Variants in MAPK6 observed in about 807,000 individuals in gnomAD.
The protein encoded by MAPK6 is mitogen-activated protein kinase 6.
MAPK6 carries 19 observed loss-of-function variants against 59.3 expected under a neutral mutation model. The ratio of observed to expected loss-of-function variants is 0.32; its 90% CI spans 0.22 to 0.47. The LOEUF (loss-of-function observed/expected upper bound fraction) is 0.47, where lower values mean the gene tolerates loss of function less well. Ranked by LOEUF, MAPK6 falls within the 20% of genes least tolerant of loss-of-function variation. MAPK6 has a pLI of 1.00. For missense variants in MAPK6, 724 were observed against 847.9 expected, an observed-to-expected ratio of 0.85 and a Z score of 1.81; for synonymous variants, 316 against 290.3, an observed-to-expected ratio of 1.09 and a Z score of -0.90.
chr15:51,981,067 A>G (rs2057171343), intron 1 of MAPK6, among the ~76,000 whole-genome samples: 1 of 151,876 alleles, frequency 6.6e-6, no homozygotes, highest in South Asian at 2.1e-4. Flanking sequence ...GCTTTTTATA[A>G]GATTCAAGTG....
intron 3 of MAPK6, among the ~76,000 whole-genome samples, chr15:52,051,766 G>A (rs1239091142): frequency 6.6e-6 from 1 of 151,828 alleles, no homozygotes; most frequent in Non-Finnish European, 1.5e-5. Context: ...CCCAGCTACT[G>A]GGGAGGCTGA....
chr15:52,061,370 C>T lies in MAPK6; in HGVS notation c.937C>T (p.His313Tyr). ...GTTAACAGCAGAAGAAGCACTCTCC[C>T]ATCCTTACATGAGCATATATTCTTT... is the stretch of plus-strand genomic sequence containing the variant. ...DRLTAEEALS[H>Y]PYMSIYSFPM... Residue 313 changes from histidine to tyrosine, a missense_variant, in exon 5 of 6, where the codon CAT becomes TAT. By Grantham distance (83) the His-to-Tyr change is moderately conservative (BLOSUM62 2). Coordinates refer to ENST00000261845, the MANE Select transcript of MAPK6 (RefSeq NM_002748.4). The T allele has an allele frequency of 6.2e-7, 1 of 1,614,042 alleles. No individual in the cohort carries two copies. Among genetic ancestry groups the T allele is most frequent in the South Asian group, 1.1e-5 (1 of 91,090 alleles).
intron 3 of MAPK6, 86 bp from the exon 4 acceptor site, chr15:52,058,544 CATT>C: frequency 9.0e-7 from 1 of 1,114,456 alleles, no homozygotes; most frequent in Non-Finnish European, 1.2e-6. Context: ...CCCCACTGGT[CATT>C]ATAATATTTA....
intron 1 of MAPK6, among the ~76,000 whole-genome samples, chr15:52,030,781 C>T (rs1334998831): frequency 1.3e-5 from 2 of 151,052 alleles, no homozygotes; most frequent in Non-Finnish European, 2.9e-5. Context: ...CGTGTGCCAC[C>T]ATGCCCAGCT....
chr15:52,003,144 A>G (rs994213640), intron 2 of MAPK6, among the ~76,000 whole-genome samples: 3 of 151,990 alleles, frequency 2.0e-5, no homozygotes, highest in African/African-American at 7.3e-5. Flanking sequence ...CTGAGATTGC[A>G]CCATTGCACT....
At chr15:52,062,258 C>T (rs2032233610) in intron 5 of MAPK6, among the ~76,000 whole-genome samples, 1 of 151,674 alleles carries the variant, frequency 6.6e-6, no homozygotes, top group African/African-American at 2.4e-5. Context: ...AACTCCTGAC[C>T]TCAGGTGATC....
intron 3 of MAPK6, among the ~76,000 whole-genome samples, chr15:52,013,332 G>A (rs542708871): frequency 2.8e-4 from 42 of 151,880 alleles, no homozygotes; most frequent in African/African-American, 9.4e-4. Flanking sequence ...CTAACATACT[G>A]TCTTTAATGA....
At chr15:51,973,269 T>G (rs2057144117) in intron 1 of MAPK6, among the ~76,000 whole-genome samples, 1 of 151,972 alleles carries the variant, frequency 6.6e-6, no homozygotes, top group African/African-American at 2.4e-5. Context: ...TCTGGAATAC[T>G]GGAAAAACAA....
chr15:51,990,564 C>T (rs2057204871), intron 2 of MAPK6, among the ~76,000 whole-genome samples: 1 of 152,164 alleles, frequency 6.6e-6, no homozygotes, highest in African/African-American at 2.4e-5. Context: ...GCCTGTAATC[C>T]CAGTGCTTTC....
At chr15:52,047,628 G>A (rs553143075) in intron 2 of MAPK6, among the ~76,000 whole-genome samples, 22 of 150,180 alleles carry the variant, frequency 1.5e-4, no homozygotes, top group African/African-American at 5.1e-4. Flanking sequence ...TTACAGGTGT[G>A]AGCCCCCATG....
chr15:52,050,727 C>G (rs866657359), intron 3 of MAPK6, among the ~76,000 whole-genome samples: 1 of 152,090 alleles, frequency 6.6e-6, no homozygotes, highest in Admixed American at 6.5e-5. Context: ...ATTATGGAGT[C>G]AAACAGATTT....
chr15:51,974,731 C>T (rs371324125), intron 1 of MAPK6, among the ~76,000 whole-genome samples: 38 of 150,660 alleles, frequency 2.5e-4, no homozygotes, highest in African/African-American at 8.7e-4. Flanking sequence ...TTTTTCCCCC[C>T]CCGCAAGACA....
At chr15:52,016,107 C>CACACACACACACACACAAA, upstream of MAPK6, among the ~76,000 whole-genome samples, 2 of 136,212 alleles carry the variant, frequency 1.5e-5, no homozygotes, top group Non-Finnish European at 3.1e-5. Flanking sequence ...CACACACACA[C>CACACACACACACACACAAA]AAACTAAAAC....
intron 2 of MAPK6, among the ~76,000 whole-genome samples, chr15:51,993,056 G>A (rs112448366): frequency 6.6e-6 from 1 of 151,990 alleles, no homozygotes; most frequent in Non-Finnish European, 1.5e-5. Context: ...TATGGTTGGT[G>A]GGGGGGTAAA....
intron 2 of MAPK6, among the ~76,000 whole-genome samples, chr15:51,999,732 C>T (rs1023609383): frequency 6.6e-6 from 1 of 152,154 alleles, no homozygotes; most frequent in Non-Finnish European, 1.5e-5. Context: ...CAACCTCCAC[C>T]TCCTGGGCTT....
At chr15:51,978,693 A>G (rs1424553135) in intron 1 of MAPK6, among the ~76,000 whole-genome samples, 1 of 151,858 alleles carries the variant, frequency 6.6e-6, no homozygotes, top group Non-Finnish European at 1.5e-5. Context: ...AAAAACTTTT[A>G]AAAGAAAACA....
In MAPK6 at chr15:51,998,486, T is replaced by G. The variant is rs181824812; in HGVS notation, c.-769-5779T>G. On this transcript the variant is annotated intron_variant, in intron 2 of 7. Coordinates refer to the MAPK6 transcript ENST00000691380. ...TCATAAAGTGCTGGGATTACAGGCA[T>G]GAGCCACCGCACCTGGCCTTTTTTT... Among the ~76,000 whole-genome samples the G allele has an allele frequency of 2.4e-3, 344 of 146,136 alleles. 2 individuals are homozygous for G. Among genetic ancestry groups the G allele is most frequent in the African/African-American group, 8.4e-3 (333 of 39,490 alleles).
intron 3 of MAPK6, among the ~76,000 whole-genome samples, chr15:52,007,703 C>CAAAAAAAAAAAAAA (rs72079500): frequency 7.9e-6 from 1 of 126,124 alleles, no homozygotes. Context: ...AGCTCTATCT[C>CAAAAAAAAAAAAAA]AAAAAAAAAA....
chr15:52,032,744 G>A (rs1485007073), intron 1 of MAPK6, among the ~76,000 whole-genome samples: 3 of 151,978 alleles, frequency 2.0e-5, no homozygotes, highest in African/African-American at 4.8e-5. Flanking sequence ...GAGTGCAGTG[G>A]CACAATCTCG....
Sources: gnomAD v4.1 joint callset for allele counts (sites outside exome capture counted in the v4.1 genomes callset) on GRCh38, gnomAD v4.1.1 for gene constraint, MANE v1.5 for transcripts, NCBI Gene and HGNC (gene_info 2026-07-23, HGNC 2026-07-21) for gene names.